The following KCNAB1 variants were observed in gnomAD, a reference collection of about 807,000 sequenced individuals.
The protein encoded by KCNAB1 is voltage-gated potassium channel subunit beta-1.
A neutral mutation model predicts 64.6 loss-of-function variants in KCNAB1; 35 were observed. The ratio of observed to expected loss-of-function variants is 0.54; its 90% CI spans 0.41 to 0.72. The LOEUF is 0.72. Among genes scored for constraint, KCNAB1 ranks in the 30% least tolerant of loss-of-function variants. The pLI is 0.00. For missense variants in KCNAB1, 401 were observed against 512.9 expected (o/e 0.78, Z 2.11); for synonymous variants, 177 against 183.8 (o/e 0.96, Z 0.30).
At chr3:156,356,810 C>T (rs1409871846) in intron 1 of KCNAB1, among the ~76,000 whole-genome samples, 1 of 152,172 alleles carries the variant, frequency 6.6e-6, no homozygotes, top group African/African-American at 2.4e-5. Flanking sequence ...GCTGGAAGAG[C>T]AATGTTTCTT....
At chr3:156,536,621 C>T in intron 13 of KCNAB1, 37 bp from the exon 14 acceptor site, 1 of 1,397,808 alleles carries the variant, frequency 7.2e-7, no homozygotes, top group Middle Eastern at 1.8e-4. Flanking sequence ...ATCAACACTG[C>T]TAACAATATC....
intron 8 of KCNAB1, among the ~76,000 whole-genome samples, chr3:156,490,574 A>G (rs1715559289): frequency 6.6e-6 from 1 of 152,142 alleles, no homozygotes; most frequent in Non-Finnish European, 1.5e-5. Flanking sequence ...AAGATTTTAC[A>G]TATTTAAAAT....
At chr3:156,225,024 TA>T (rs1387439123) in intron 1 of KCNAB1, among the ~76,000 whole-genome samples, 1 of 152,122 alleles carries the variant, frequency 6.6e-6, no homozygotes, top group African/African-American at 2.4e-5. Context: ...CTATTGACAC[TA>T]TTCCAAAAGA....
rs77630837 is a variant in KCNAB1, at chr3:156,323,951, G to A, written c.276-97665G>A. On this transcript the variant is annotated intron_variant, in intron 1 of 13. Coordinates refer to ENST00000490337, the MANE Select transcript of KCNAB1 (RefSeq NM_172160.3). ...TTTACAGCATTTTCAAACATGTAGA[G>A]TGCTTTGCTTTTAATTTCTTCAGTT... Among the ~76,000 whole-genome samples, 82 of 152,220 alleles carry A rather than the reference G, an allele frequency of 5.4e-4. 1 individual carries two copies. The East Asian group carries it at 0.014, about 26-fold the overall frequency.
intron 1 of KCNAB1, among the ~76,000 whole-genome samples, chr3:156,168,325 A>C (rs1282948560): frequency 6.6e-6 from 1 of 152,202 alleles, no homozygotes; most frequent in Non-Finnish European, 1.5e-5. Flanking sequence ...TACACCAGTA[A>C]TTTGTGTACT....
chr3:156,212,063 T>G (rs2108395813), intron 1 of KCNAB1, among the ~76,000 whole-genome samples: 1 of 152,268 alleles, frequency 6.6e-6, no homozygotes, highest in Admixed American at 6.5e-5. Context: ...CAAGGAAGCC[T>G]TGTAAGGGAA....
chr3:156,360,159 T>G (rs1157336618), intron 1 of KCNAB1, among the ~76,000 whole-genome samples: 1 of 152,250 alleles, frequency 6.6e-6, no homozygotes, highest in African/African-American at 2.4e-5. Context: ...AACAGTATAT[T>G]ACCATATTCA....
chr3:156,121,184 G>C (rs1175416697), intron 1 of KCNAB1, among the ~76,000 whole-genome samples: 2 of 152,244 alleles, frequency 1.3e-5, no homozygotes, highest in African/African-American at 4.8e-5. Flanking sequence ...GGAGTTAAGA[G>C]ATGGTAGGAA....
chr3:156,338,182 G>C (rs1298741784), intron 1 of KCNAB1, among the ~76,000 whole-genome samples: 1 of 151,882 alleles, frequency 6.6e-6, no homozygotes, highest in African/African-American at 2.4e-5. Flanking sequence ...CAGTCAGTTT[G>C]CTGTGTGTTC....
intron 1 of KCNAB1, among the ~76,000 whole-genome samples, chr3:156,201,165 A>T (rs184302842): frequency 6.6e-6 from 1 of 152,170 alleles, no homozygotes; most frequent in African/African-American, 2.4e-5. Flanking sequence ...ACCAGTCCCA[A>T]TGAGATGAAC....
chr3:156,214,216 G>A (rs1256341168), intron 1 of KCNAB1, among the ~76,000 whole-genome samples: 5 of 152,096 alleles, frequency 3.3e-5, no homozygotes, highest in East Asian at 1.9e-4. Context: ...ATGTTACAGC[G>A]AATTATTGAA....
At chr3:156,403,475 T>TA (rs1457727870) in intron 1 of KCNAB1, among the ~76,000 whole-genome samples, 1 of 152,242 alleles carries the variant, frequency 6.6e-6, no homozygotes, top group Non-Finnish European at 1.5e-5. Context: ...GACTTATTTT[T>TA]ATCTTCTTTC....
intron 1 of KCNAB1, among the ~76,000 whole-genome samples, chr3:156,211,117 G>A (rs192906833): frequency 7.9e-5 from 12 of 152,240 alleles, no homozygotes; most frequent in African/African-American, 2.9e-4. Context: ...AAAAAGGGGT[G>A]CAGTGGAGTG....
At chr3:156,316,123 T>G (rs1722256145) in intron 1 of KCNAB1, among the ~76,000 whole-genome samples, 2 of 152,248 alleles carry the variant, frequency 1.3e-5, no homozygotes, top group South Asian at 2.1e-4. Context: ...TTCACATCTC[T>G]TTTCTCATTT....
intron 1 of KCNAB1, among the ~76,000 whole-genome samples, chr3:156,212,723 G>A (rs1484080981): frequency 6.6e-6 from 1 of 152,126 alleles, no homozygotes. Context: ...GAGGGGAGGC[G>A]AGCACTTCAG....
At chr3:156,328,648 C>A (rs887643186) in intron 1 of KCNAB1, among the ~76,000 whole-genome samples, 3 of 152,158 alleles carry the variant, frequency 2.0e-5, no homozygotes, top group Admixed American at 6.6e-5. Flanking sequence ...GCTTGTCTGT[C>A]CTTTCTACTT....
intron 1 of KCNAB1, chr3:156,382,138 C>T (rs1388084909): frequency 2.0e-5 from 3 of 152,152 alleles, no homozygotes; most frequent in Admixed American, 1.3e-4. Context: ...ATATTCATTT[C>T]CAGGTCCCAT....
chr3:156,179,988 A>G (rs1383595968), intron 1 of KCNAB1, among the ~76,000 whole-genome samples: 1 of 152,192 alleles, frequency 6.6e-6, no homozygotes, highest in Non-Finnish European at 1.5e-5. Context: ...TATATTGAAC[A>G]TTTACTGTTT....
intron 1 of KCNAB1, among the ~76,000 whole-genome samples, chr3:156,316,962 G>A (rs765477122): frequency 3.4e-4 from 51 of 152,156 alleles, no homozygotes; most frequent in Non-Finnish European, 6.6e-4. Context: ...TCAGGGTGGA[G>A]GCTGGGACGA....
Sources: gnomAD v4.1 joint callset for allele counts (sites outside exome capture counted in the v4.1 genomes callset) on GRCh38, gnomAD v4.1.1 for gene constraint, MANE v1.5 for transcripts, NCBI Gene and HGNC (gene_info 2026-07-23, HGNC 2026-07-21) for gene names.